Variants in ATXN1 observed in about 807,000 individuals in gnomAD.
The protein encoded by ATXN1 is ataxin 1.
A neutral mutation model predicts 56.4 loss-of-function variants in ATXN1; 8 were observed. That is an observed-to-expected ratio of 0.14 (90% CI 0.08 to 0.26). The LOEUF is 0.26. Ranked by LOEUF, ATXN1 falls within the 10% of genes least tolerant of loss-of-function variation. The pLI, the probability that ATXN1 is intolerant of heterozygous loss-of-function variation, is 1.00. For missense variants in ATXN1, 987 were observed against 1,106.5 expected, an observed-to-expected ratio of 0.89 and a Z score of 1.53; for synonymous variants, 514 against 494.6, an observed-to-expected ratio of 1.04 and a Z score of -0.52.
chr6:16,638,245 A>G (rs1763635119), intron 3 of ATXN1, among the ~76,000 whole-genome samples: 1 of 151,652 alleles, frequency 6.6e-6, no homozygotes, highest in Non-Finnish European at 1.5e-5. Context: ...GGAGTTCAAG[A>G]CAAAACTGGG....
intron 6 of ATXN1, among the ~76,000 whole-genome samples, chr6:16,330,556 A>G (rs1477199695): frequency 6.6e-6 from 1 of 151,308 alleles, no homozygotes; most frequent in African/African-American, 2.4e-5. Context: ...CACCCGGCTA[A>G]TTTTTGTACT....
chr6:16,668,648 T>C (rs964015984), intron 2 of ATXN1, among the ~76,000 whole-genome samples: 1 of 152,084 alleles, frequency 6.6e-6, no homozygotes, highest in Non-Finnish European at 1.5e-5. Flanking sequence ...GATAGTATAC[T>C]AACTCTTGGC....
At chr6:16,633,888 T>C (rs1427158365) in intron 3 of ATXN1, among the ~76,000 whole-genome samples, 2 of 152,250 alleles carry the variant, frequency 1.3e-5, no homozygotes, top group Non-Finnish European at 2.9e-5. Context: ...AACACATTTC[T>C]GTTAGAAATA....
intron 6 of ATXN1, among the ~76,000 whole-genome samples, chr6:16,345,948 T>C (rs1053278680): frequency 5.3e-5 from 8 of 152,086 alleles, no homozygotes; most frequent in African/African-American, 1.9e-4. Flanking sequence ...CAGGTATTCA[T>C]TCAATAAAAA....
At chr6:16,507,579 T>C (rs1053208278) in intron 5 of ATXN1, among the ~76,000 whole-genome samples, 1 of 152,212 alleles carries the variant, frequency 6.6e-6, no homozygotes, top group Admixed American at 6.5e-5. Context: ...GGTAATATAA[T>C]ATAAGGTAAT....
chr6:16,349,104 G>A (rs546295795), intron 6 of ATXN1, among the ~76,000 whole-genome samples: 6 of 152,332 alleles, frequency 3.9e-5, no homozygotes, highest in South Asian at 2.1e-4. Flanking sequence ...AGGGCCTGGC[G>A]TACTCAAGAC....
rs548909047 is a variant in ATXN1, at chr6:16,402,104, A to C, written c.-160-73634T>G. ...ACAGCATGGGAAAGACCTGCCCCCC[A>C]TGATTCAATACCTCCCACCAGGTCC... On this transcript the variant is annotated intron_variant, in intron 6 of 7. Transcript: ENST00000436367. Among the ~76,000 whole-genome samples, 47 of 152,194 alleles carry C rather than the reference A, an allele frequency of 3.1e-4. No individual in the cohort carries two copies. In the South Asian group the frequency reaches 4.4e-3, roughly 14 times the overall value.
intron 4 of ATXN1, 106 bp downstream of exon 4, chr6:16,585,670 TTGTG>T (rs1243985726): frequency 3.9e-5 from 6 of 152,206 alleles, no homozygotes; most frequent in African/African-American, 1.4e-4. Context: ...CATGTGTATG[TTGTG>T]TGTGTATGTT....
chr6:16,714,619 T>C (rs1386739857), intron 2 of ATXN1, among the ~76,000 whole-genome samples: 1 of 152,242 alleles, frequency 6.6e-6, no homozygotes, highest in African/African-American at 2.4e-5. Flanking sequence ...ATATACATGT[T>C]ACTTAATTTT....
intron 2 of ATXN1, among the ~76,000 whole-genome samples, chr6:16,681,024 G>C (rs926178472): frequency 6.6e-6 from 1 of 152,116 alleles, no homozygotes; most frequent in Non-Finnish European, 1.5e-5. Flanking sequence ...AATTGTGTGT[G>C]GTCAACAGGT....
chr6:16,398,586 C>T (rs1260234145), intron 6 of ATXN1, among the ~76,000 whole-genome samples: 2 of 152,102 alleles, frequency 1.3e-5, no homozygotes, highest in Non-Finnish European at 2.9e-5. Flanking sequence ...CATACATATG[C>T]ACAAATACGT....
At chr6:16,372,623 A>C (rs916077220) in intron 6 of ATXN1, among the ~76,000 whole-genome samples, 1 of 152,192 alleles carries the variant, frequency 6.6e-6, no homozygotes, top group Non-Finnish European at 1.5e-5. Context: ...ACTTTAAAAC[A>C]TGACTGTGGG....
intron 3 of ATXN1, among the ~76,000 whole-genome samples, chr6:16,641,767 G>C (rs1401722660): frequency 6.6e-6 from 1 of 152,168 alleles, no homozygotes; most frequent in African/African-American, 2.4e-5. Context: ...CATTGCCACA[G>C]AAAGTAATTC....
chr6:16,696,368 G>A (rs1020458392), intron 2 of ATXN1, among the ~76,000 whole-genome samples: 1 of 152,066 alleles, frequency 6.6e-6, no homozygotes, highest in Non-Finnish European at 1.5e-5. Context: ...ACTATGTCGA[G>A]GTAATAACTT....
In ATXN1 at chr6:16,305,732, T is replaced by A. The variant is rs1760228298; in HGVS notation, c.*597A>T. On this transcript the variant is annotated 3_prime_UTR_variant, in exon 8 of 8. Coordinates refer to ENST00000436367, the MANE Select transcript of ATXN1 (RefSeq NM_001128164.2). ...GTAAAATATGTTGGAGAGAAAAATG[T>A]TCTTTTAAATGGTTAACTTTCCAAA... 6.5e-6 allele frequency: 1 copy of A among 152,788 alleles called. No homozygotes were observed. The highest frequency in any genetic ancestry group is 1.5e-5 in the Non-Finnish European group (1 of 68,136). The allele number at this position is 152,788 out of a possible 1,614,324, so 9.5% of individuals were successfully genotyped here.
chr6:16,603,109 C>G lies in ATXN1; in HGVS notation c.-488-17202G>C, dbSNP rs565887786. On this transcript the variant is annotated intron_variant, in intron 3 of 7. Coordinates refer to ENST00000436367, the MANE Select transcript of ATXN1 (RefSeq NM_001128164.2). Reference sequence around the variant, plus strand: ...ACTGGGATTGACCCAGCCACCTCTGCTAAGGGCCTCCTACCTAGAGTCACC... The same window carrying G: ...ACTGGGATTGACCCAGCCACCTCTGGTAAGGGCCTCCTACCTAGAGTCACC... 4.6e-5 allele frequency among the ~76,000 whole-genome samples: 7 copies of G among 152,308 alleles called. No individual in the cohort carries two copies. The South Asian group carries it at 1.5e-3, about 32-fold the overall frequency.
chr6:16,516,248 A>G, intron 5 of ATXN1, among the ~76,000 whole-genome samples: 1 of 152,224 alleles, frequency 6.6e-6, no homozygotes, highest in East Asian at 1.9e-4. Context: ...TGCCAGGTAT[A>G]TTACTGCTAC....
chr6:16,476,667 C>T (rs1055958813), intron 6 of ATXN1, among the ~76,000 whole-genome samples: 1 of 152,192 alleles, frequency 6.6e-6, no homozygotes, highest in Admixed American at 6.5e-5. Context: ...GCTGGGCACA[C>T]TACACCCTGT....
At chr6:16,644,788 T>C (rs1348849282) in intron 3 of ATXN1, among the ~76,000 whole-genome samples, 1 of 152,060 alleles carries the variant, frequency 6.6e-6, no homozygotes, top group Non-Finnish European at 1.5e-5. Context: ...GAGGTCACCA[T>C]GTCCATTTTC....
Sources: allele counts gnomAD v4.1 joint callset (sites outside exome capture counted in the v4.1 genomes callset), GRCh38; gene constraint gnomAD v4.1.1; transcripts MANE v1.5; gene names NCBI Gene and HGNC (gene_info 2026-07-23, HGNC 2026-07-21).